AVL9: variants seen among roughly 807,000 people sequenced by gnomAD.
The protein encoded by AVL9 is AVL9 cell migration associated, also known as late secretory pathway protein AVL9 homolog.
AVL9 carries 49 observed loss-of-function variants against 79.2 expected under a neutral mutation model. The ratio of observed to expected loss-of-function variants is 0.62; its 90% CI spans 0.49 to 0.79. The LOEUF is 0.79. Among genes scored for constraint, AVL9 ranks in the 30% least tolerant of loss-of-function variants. The pLI, the probability that AVL9 is intolerant of heterozygous loss-of-function variation, is 0.00. For missense variants in AVL9, 682 were observed against 776.8 expected (o/e 0.88, Z 1.45); for synonymous variants, 299 against 280.6 (o/e 1.07, Z -0.65).
chr7:32,560,126 C>T (rs190660702), intron 10 of AVL9, among the ~76,000 whole-genome samples: 41 of 151,914 alleles, frequency 2.7e-4, no homozygotes, highest in Non-Finnish European at 4.9e-4. Flanking sequence ...GATTAGGAGG[C>T]TTGGTTGAGC....
At chr7:32,579,785 A>G (rs991469687) in intron 13 of AVL9, among the ~76,000 whole-genome samples, 5 of 149,240 alleles carry the variant, frequency 3.4e-5, no homozygotes, top group Admixed American at 6.9e-5. Context: ...AAATCTTTGC[A>G]TAACCAATAG....
chr7:32,551,841 G>C (rs1005272131), intron 5 of AVL9, among the ~76,000 whole-genome samples: 6 of 152,032 alleles, frequency 3.9e-5, no homozygotes, highest in Admixed American at 3.3e-4. Context: ...GTTTTCCTCA[G>C]TGCTGCCATT....
intron 4 of AVL9, 97 bp downstream of exon 4, chr7:32,549,015 C>T (rs931484556): frequency 5.2e-5 from 39 of 752,412 alleles, no homozygotes; most frequent in Non-Finnish European, 7.3e-5. Context: ...ATTTAAATGA[C>T]ATATTAAAAT....
At chr7:32,520,690 A>C (rs964611982) in intron 1 of AVL9, among the ~76,000 whole-genome samples, 5 of 152,152 alleles carry the variant, frequency 3.3e-5, no homozygotes, top group Admixed American at 6.5e-5. Flanking sequence ...GGTCATGGCA[A>C]ATTTTGGGCT....
chr7:32,564,098 T>C (rs1279760476), intron 10 of AVL9, among the ~76,000 whole-genome samples: 1 of 152,114 alleles, frequency 6.6e-6, no homozygotes, highest in Non-Finnish European at 1.5e-5. Flanking sequence ...AAATTAACTG[T>C]AGAGGGATTT....
At chr7:32,501,142 G>C (rs1395220873) in intron 1 of AVL9, among the ~76,000 whole-genome samples, 1 of 152,158 alleles carries the variant, frequency 6.6e-6, no homozygotes, top group African/African-American at 2.4e-5. Flanking sequence ...TTTAGAAATG[G>C]GTTGATATTA....
Position 32,559,304 on chromosome 7 carries a change from C to T in AVL9, c.1055C>T (p.Ser352Leu). 2.5e-6 allele frequency: 4 copies of T among 1,614,194 alleles called. No individual in the cohort carries two copies. The highest frequency in any genetic ancestry group is 1.1e-5 in the South Asian group (1 of 91,076). The change falls in exon 10 of 16, where the codon TCA (serine) becomes TTA (leucine). Residue 352 changes from serine (S) to leucine (L), a missense_variant. Physicochemically the swap from Ser to Leu is moderately radical, Grantham distance 145 (BLOSUM62 -2). Transcript: ENST00000318709. ...PNLKEREQLGSDQTNLFPKDS... is the reference protein window; with the variant it reads ...PNLKEREQLGLDQTNLFPKDS... ...TTGAAAGAAAGGGAACAGCTGGGAT[C>T]AGACCAGACAAATTTGTTTCCAAAG... is the stretch of plus-strand genomic sequence containing the variant.
At chr7:32,579,498 T>A (rs1258500682) in intron 13 of AVL9, among the ~76,000 whole-genome samples, 1 of 6,928 alleles carries the variant, frequency 1.4e-4, no homozygotes, top group African/African-American at 6.7e-4. Context: ...ATATTACATA[T>A]TATATATTAT....
At chr7:32,530,545 A>G (rs374705217) in intron 1 of AVL9, among the ~76,000 whole-genome samples, 6 of 152,220 alleles carry the variant, frequency 3.9e-5, no homozygotes, top group Admixed American at 2.0e-4. Context: ...AGGGTTCTCA[A>G]TTTTGCTATT....
intron 1 of AVL9, among the ~76,000 whole-genome samples, chr7:32,499,464 T>A (rs1353497253): frequency 1.3e-5 from 2 of 152,142 alleles, no homozygotes; most frequent in Non-Finnish European, 2.9e-5. Context: ...AATTACTTAA[T>A]TTTTGGCCAC....
chr7:32,553,824 G>A, intron 7 of AVL9, 57 bp downstream of exon 7: 1 of 1,252,010 alleles, frequency 8.0e-7, no homozygotes, highest in Non-Finnish European at 1.2e-6. Context: ...GGCCAACACT[G>A]TTCTTAGTGT....
chr7:32,547,847 C>T (rs1488561260), intron 3 of AVL9, among the ~76,000 whole-genome samples: 1 of 152,138 alleles, frequency 6.6e-6, no homozygotes, highest in East Asian at 1.9e-4. Context: ...ACATGGGGGC[C>T]CCTTGGTCCT....
Position 32,570,106 on chromosome 7 carries a change from T to G in AVL9, c.1302T>G (p.Thr434=). The change falls in exon 11 of 16, where the codon ACT becomes ACG. Residue 434 remains threonine (T), a synonymous_variant. Transcript: ENST00000318709. Reference sequence around the variant, plus strand: ...TTCGGGGGTTTGTTGCTGGAGCTACTAACATCCTTTTTCGACAACAGAAAC... The same window carrying G: ...TTCGGGGGTTTGTTGCTGGAGCTACGAACATCCTTTTTCGACAACAGAAAC... ...VTVRGFVAGA[T]NILFRQQKHL... 1 of 1,614,206 alleles carries G rather than the reference T, an allele frequency of 6.2e-7. No individual in the cohort carries two copies. Among genetic ancestry groups the G allele is most frequent in the Non-Finnish European group, 8.5e-7 (1 of 1,180,020 alleles).
intron 5 of AVL9, among the ~76,000 whole-genome samples, chr7:32,551,880 T>C (rs1169134883): frequency 6.6e-6 from 1 of 152,114 alleles, no homozygotes; most frequent in African/African-American, 2.4e-5. Flanking sequence ...CTCTCTTGGA[T>C]TCTGGTGGGA....
chr7:32,502,405 A>G (rs1417866486), intron 1 of AVL9, among the ~76,000 whole-genome samples: 22 of 146,048 alleles, frequency 1.5e-4, no homozygotes, highest in African/African-American at 4.0e-4. Context: ...AAAAAAAAAA[A>G]AAAAGAAAGA....
intron 10 of AVL9, among the ~76,000 whole-genome samples, chr7:32,560,593 C>CA (rs1335806211): frequency 6.6e-6 from 1 of 152,124 alleles, no homozygotes; most frequent in Non-Finnish European, 1.5e-5. Context: ...TTGAACCCCC[C>CA]AAAGTTATTC....
At chr7:32,556,519 A>AAATAAATGAATGAATAAATGAATG (rs111960786) in intron 8 of AVL9, among the ~76,000 whole-genome samples, 1 of 149,458 alleles carries the variant, frequency 6.7e-6, no homozygotes, top group African/African-American at 2.5e-5. Flanking sequence ...ATCTCAAAGT[A>AAATAAATGAATGAATAAATGAATG]AATGAATGAA....
intron 1 of AVL9, among the ~76,000 whole-genome samples, chr7:32,521,122 T>G (rs1279511056): frequency 6.6e-6 from 1 of 152,142 alleles, no homozygotes; most frequent in Non-Finnish European, 1.5e-5. Flanking sequence ...CTTCCCAGTC[T>G]CGGGTATGTC....
intron 4 of AVL9, 123 bp downstream of exon 4, chr7:32,549,041 A>G: frequency 5.7e-6 from 3 of 522,138 alleles, no homozygotes; most frequent in Non-Finnish European, 9.3e-6. Flanking sequence ...ATGCCCTAGC[A>G]TCTCCTCATT....
Sources: gnomAD v4.1 joint callset for allele counts (sites outside exome capture counted in the v4.1 genomes callset) on GRCh38, gnomAD v4.1.1 for gene constraint, MANE v1.5 for transcripts, NCBI Gene and HGNC (gene_info 2026-07-23, HGNC 2026-07-21) for gene names.